The following PRKCA variants were observed in gnomAD, a reference collection of about 807,000 sequenced individuals.
PRKCA encodes protein kinase C alpha type.
A neutral mutation model predicts 87.0 loss-of-function variants in PRKCA; 27 were observed. That is an observed-to-expected ratio of 0.31 (90% confidence interval 0.23 to 0.43). The LOEUF is 0.43. PRKCA is among the 20% of genes least tolerant of loss of function. The pLI, the probability that PRKCA is intolerant of heterozygous loss-of-function variation, is 1.00. For synonymous variants in PRKCA, 329 were observed against 311.1 expected, an observed-to-expected ratio of 1.06 and a Z score of -0.61; for missense variants, 518 against 852.3, an observed-to-expected ratio of 0.61 and a Z score of 4.88.
Position 66,358,741 on chromosome 17 carries a change from A to G in PRKCA, c.205+52614A>G, listed in dbSNP as rs77708320. Among the ~76,000 whole-genome samples, 392 of 152,194 alleles carry G rather than the reference A, an allele frequency of 2.6e-3. 3 individuals are homozygous for G. Among genetic ancestry groups the G allele is most frequent in the East Asian group, 3.9e-3 (20 of 5,154 alleles). On this transcript the variant is annotated intron_variant, in intron 2 of 16. Coordinates refer to ENST00000413366, the MANE Select transcript of PRKCA (RefSeq NM_002737.3). Reference sequence around the variant, plus strand: ...ATGTTGGCACATTTGCTCTGCTGAAATGATTTCAAGAGCTCTTCATTGCTG... The same window carrying G: ...ATGTTGGCACATTTGCTCTGCTGAAGTGATTTCAAGAGCTCTTCATTGCTG...
At chr17:66,742,299 T>A (rs569867309) in intron 12 of PRKCA, among the ~76,000 whole-genome samples, 8 of 152,336 alleles carry the variant, frequency 5.3e-5, no homozygotes, top group African/African-American at 1.7e-4. Flanking sequence ...GTGTGGGACA[T>A]GAATAAATCA....
intron 10 of PRKCA, 94 bp downstream of exon 10, chr17:66,735,756 G>A: frequency 5.6e-6 from 8 of 1,431,596 alleles, no homozygotes; most frequent in Non-Finnish European, 7.6e-6. Flanking sequence ...CTTTGGAGAA[G>A]GCTGGAGAAA....
chr17:66,480,481 A>G (rs1329189226), intron 2 of PRKCA, among the ~76,000 whole-genome samples: 5 of 152,212 alleles, frequency 3.3e-5, no homozygotes, highest in African/African-American at 1.2e-4. Flanking sequence ...CTTTGTCGCA[A>G]AAGCTCACTG....
intron 3 of PRKCA, among the ~76,000 whole-genome samples, chr17:66,534,008 G>A (rs1297831510): frequency 6.6e-6 from 1 of 152,092 alleles, no homozygotes; most frequent in African/African-American, 2.4e-5. Context: ...GTTAGCCTAT[G>A]TGTTTCTGTC....
At chr17:66,769,532 C>T (rs1289508101) in intron 13 of PRKCA, among the ~76,000 whole-genome samples, 2 of 152,134 alleles carry the variant, frequency 1.3e-5, no homozygotes, top group African/African-American at 4.8e-5. Flanking sequence ...TCTAGTCCCC[C>T]AGGACCATCT....
At chr17:66,769,902 A>G (rs926137598) in intron 13 of PRKCA, among the ~76,000 whole-genome samples, 28 of 152,232 alleles carry the variant, frequency 1.8e-4, no homozygotes, top group Admixed American at 2.6e-4. Context: ...GAAGAGACTT[A>G]TCATTTGATC....
At chr17:66,463,819 TG>T (rs1334600224) in intron 2 of PRKCA, among the ~76,000 whole-genome samples, 2 of 152,230 alleles carry the variant, frequency 1.3e-5, no homozygotes, top group African/African-American at 4.8e-5. Flanking sequence ...GCATCCCCAC[TG>T]TCATCATCCC....
chr17:66,699,816 A>T (rs566174295), intron 8 of PRKCA, among the ~76,000 whole-genome samples: 1 of 152,344 alleles, frequency 6.6e-6, no homozygotes, highest in African/African-American at 2.4e-5. Context: ...CCTCAACTGA[A>T]TTCCTAGCCT....
chr17:66,738,844 A>G lies in PRKCA; in HGVS notation c.1311A>G (p.Glu437=). 1 of 1,612,342 alleles carries G rather than the reference A, an allele frequency of 6.2e-7. No homozygotes were observed. ...TTCAGCAAGTAGGAAAATTTAAGGA[A>G]CCACAAGCAGTGTGAGTATTATTTT... ...YHIQQVGKFK[E]PQAVFYAAEI... is the part of the protein sequence containing the mutation. The change falls in exon 11 of 17, where the codon GAA becomes GAG. Residue 437 remains glutamate, a synonymous_variant. Coordinates refer to ENST00000413366, the MANE Select transcript of PRKCA (RefSeq NM_002737.3).
At chr17:66,673,288 T>G (rs936767527) in intron 5 of PRKCA, among the ~76,000 whole-genome samples, 3 of 152,246 alleles carry the variant, frequency 2.0e-5, no homozygotes, top group African/African-American at 7.2e-5. Flanking sequence ...TCCAGTAGAA[T>G]TTTGGTTGAT....
chr17:66,315,030 T>A (rs1905248019), intron 2 of PRKCA, among the ~76,000 whole-genome samples: 1 of 150,944 alleles, frequency 6.6e-6, no homozygotes, highest in African/African-American at 2.5e-5. Flanking sequence ...TGTGTGTGTG[T>A]ATATATATAT....
chr17:66,745,272 T>A (rs1974246259), intron 13 of PRKCA, among the ~76,000 whole-genome samples: 1 of 152,248 alleles, frequency 6.6e-6, no homozygotes, highest in South Asian at 2.1e-4. Context: ...TACTCTGTTC[T>A]TGCTCTAGAT....
At chr17:66,659,606 G>A (rs1971835258) in intron 5 of PRKCA, among the ~76,000 whole-genome samples, 1 of 152,158 alleles carries the variant, frequency 6.6e-6, no homozygotes, top group Non-Finnish European at 1.5e-5. Flanking sequence ...AGCCGGGCAT[G>A]GTGGCACACA....
intron 8 of PRKCA, among the ~76,000 whole-genome samples, chr17:66,691,097 C>T (rs1379153802): frequency 3.4e-5 from 5 of 148,030 alleles, no homozygotes; most frequent in African/African-American, 1.0e-4. Flanking sequence ...GCCAAGATCA[C>T]GCCAGTGCAC....
chr17:66,462,147 C>G (rs1003463202), intron 2 of PRKCA, among the ~76,000 whole-genome samples: 1 of 152,112 alleles, frequency 6.6e-6, no homozygotes, highest in Non-Finnish European at 1.5e-5. Flanking sequence ...CAGACAAATC[C>G]CTTCATGGAT....
intron 16 of PRKCA, among the ~76,000 whole-genome samples, chr17:66,799,664 G>C (rs1217848432): frequency 1.4e-5 from 2 of 139,792 alleles, no homozygotes; most frequent in African/African-American, 5.4e-5. Flanking sequence ...AGTGACGGTG[G>C]TGGTGGTGGT....
At chr17:66,313,078 C>G (rs1419013271) in intron 2 of PRKCA, among the ~76,000 whole-genome samples, 2 of 152,152 alleles carry the variant, frequency 1.3e-5, no homozygotes, top group African/African-American at 4.8e-5. Flanking sequence ...CACCTCTCTA[C>G]TTCTGTTTCC....
intron 5 of PRKCA, among the ~76,000 whole-genome samples, chr17:66,659,370 T>G (rs964415767): frequency 5.9e-5 from 9 of 152,114 alleles, no homozygotes; most frequent in African/African-American, 2.2e-4. Flanking sequence ...GTACTCACCT[T>G]CTTCCTCCTC....
chr17:66,399,585 CTGTT>C (rs1181196252), intron 2 of PRKCA, among the ~76,000 whole-genome samples: 11 of 152,216 alleles, frequency 7.2e-5, no homozygotes, highest in Admixed American at 5.9e-4. Context: ...AAAACTGAAA[CTGTT>C]TGCCTATCAA....
Sources: gnomAD v4.1 joint callset for allele counts (sites outside exome capture counted in the v4.1 genomes callset) on GRCh38, gnomAD v4.1.1 for gene constraint, MANE v1.5 for transcripts, NCBI Gene and HGNC (gene_info 2026-07-23, HGNC 2026-07-21) for gene names.